Variants in LARP4B observed in about 807,000 individuals in gnomAD.
LARP4B encodes La ribonucleoprotein 4B.
A neutral mutation model predicts 89.8 loss-of-function variants in LARP4B; 12 were observed. The ratio of observed to expected loss-of-function variants is 0.13; its 90% confidence interval spans 0.09 to 0.22. LARP4B has a LOEUF of 0.22. Among genes scored for constraint, LARP4B ranks in the 10% least tolerant of loss-of-function variants. The probability of loss-of-function intolerance (pLI) is 1.00; values close to 1 mark genes in which losing one functional copy is unlikely to be tolerated. For synonymous variants in LARP4B, 367 were observed against 363.3 expected, an observed-to-expected ratio of 1.01 and a Z score of -0.12; for missense variants, 757 against 947.7, an observed-to-expected ratio of 0.80 and a Z score of 2.64.
intron 1 of LARP4B, among the ~76,000 whole-genome samples, chr10:902,698 G>A (rs555876925): frequency 7.3e-4 from 110 of 149,748 alleles, no homozygotes; most frequent in Non-Finnish European, 1.2e-3. Flanking sequence ...AGGCTGGAGC[G>A]CAATGGTGCC....
At chr10:891,657 G>A (rs1836024991) in intron 1 of LARP4B, among the ~76,000 whole-genome samples, 1 of 152,010 alleles carries the variant, frequency 6.6e-6, no homozygotes, top group Admixed American at 6.6e-5. Context: ...TATAATAAAA[G>A]GTTAAAAAAG....
intron 8 of LARP4B, among the ~76,000 whole-genome samples, chr10:835,023 G>C (rs1247412177): frequency 7.0e-6 from 1 of 142,606 alleles, no homozygotes; most frequent in Non-Finnish European, 1.5e-5. Context: ...CTGGGTGACA[G>C]AGCAAGACTC....
intron 1 of LARP4B, among the ~76,000 whole-genome samples, chr10:927,591 ACT>A (rs1403811701): frequency 1.6e-4 from 24 of 152,218 alleles, no homozygotes; most frequent in African/African-American, 5.5e-4. Flanking sequence ...GATGAGGTTA[ACT>A]CTCTGAGTGC....
rs141068669 is a variant in LARP4B at position 910,754 on chromosome 10, T to C, written c.-40+20674A>G. Among the ~76,000 whole-genome samples the C allele has an allele frequency of 5.7e-3, 874 of 152,344 alleles. 4 individuals are homozygous for C. The highest frequency in any genetic ancestry group is 0.02 in the African/African-American group (835 of 41,574). ...GGCAGATACTGGTGGTTACGTTTTA[T>C]AGAGCATGCTTTTAAGATTGCAGCT... On this transcript the variant is annotated intron_variant, in intron 1 of 17. Coordinates refer to ENST00000316157, the MANE Select transcript of LARP4B (RefSeq NM_015155.3).
At chr10:959,199 G>A in the LARP4B span, among the ~76,000 whole-genome samples, 1 of 152,158 alleles carries the variant, frequency 6.6e-6, no homozygotes, top group Non-Finnish European at 1.5e-5. Flanking sequence ...TCCTGAAAAT[G>A]TGAGATGTAC....
chr10:880,849 A>G (rs1050923660), intron 3 of LARP4B, among the ~76,000 whole-genome samples: 1 of 152,242 alleles, frequency 6.6e-6, no homozygotes, highest in Non-Finnish European at 1.5e-5. Flanking sequence ...GTAATTTAAC[A>G]TAAACACTTC....
At chr10:940,824 G>T in the LARP4B span, among the ~76,000 whole-genome samples, 3 of 152,260 alleles carry the variant, frequency 2.0e-5, no homozygotes, top group Non-Finnish European at 4.4e-5. Context: ...ACTTTGAAAA[G>T]ATGTTTCACA....
chr10:938,487 T>C, the LARP4B span, among the ~76,000 whole-genome samples: 1 of 151,136 alleles, frequency 6.6e-6, no homozygotes, highest in South Asian at 2.1e-4. Flanking sequence ...TCTCCTGCTC[T>C]TGTGATCCGC....
At chr10:874,982 A>G (rs954765804) in intron 3 of LARP4B, among the ~76,000 whole-genome samples, 12 of 152,144 alleles carry the variant, frequency 7.9e-5, no homozygotes, top group African/African-American at 2.9e-4. Flanking sequence ...CTACTAATTC[A>G]CTGTACAGAT....
chr10:944,695 C>T, the LARP4B span, among the ~76,000 whole-genome samples: 1 of 152,244 alleles, frequency 6.6e-6, no homozygotes, highest in Non-Finnish European at 1.5e-5. Flanking sequence ...TGGTGTCTGC[C>T]CGTGACTCAC....
intron 7 of LARP4B, among the ~76,000 whole-genome samples, chr10:841,487 A>G (rs1357348885): frequency 6.6e-6 from 1 of 152,238 alleles, no homozygotes; most frequent in East Asian, 1.9e-4. Flanking sequence ...TTAAGCAAGC[A>G]CACAGAGCAA....
At chr10:892,358 C>T (rs1196463122) in intron 1 of LARP4B, among the ~76,000 whole-genome samples, 2 of 152,170 alleles carry the variant, frequency 1.3e-5, no homozygotes, top group East Asian at 3.8e-4. Flanking sequence ...CTTGGGAGAC[C>T]ATAACTCTCT....
the LARP4B span, chr10:942,550 A>G: frequency 6.6e-6 from 1 of 152,214 alleles, no homozygotes; most frequent in East Asian, 1.9e-4. Flanking sequence ...CAGCCTCTGC[A>G]AAGTGTACCA....
At chr10:898,259 G>A (rs891621925) in intron 1 of LARP4B, among the ~76,000 whole-genome samples, 1 of 152,162 alleles carries the variant, frequency 6.6e-6, no homozygotes, top group Non-Finnish European at 1.5e-5. Context: ...AGTACATACA[G>A]AAACTACAAT....
intron 8 of LARP4B, among the ~76,000 whole-genome samples, chr10:831,890 T>A (rs1442346046): frequency 6.6e-6 from 1 of 152,158 alleles, no homozygotes. Context: ...ATAGAAAATA[T>A]GACCTATAAT....
chr10:948,084 C>T, the LARP4B span, among the ~76,000 whole-genome samples: 20 of 147,848 alleles, frequency 1.4e-4, no homozygotes, highest in East Asian at 4.0e-4. Flanking sequence ...GACTGCCCAC[C>T]GCCCACCACC....
At chr10:981,658 C>A in the LARP4B span, among the ~76,000 whole-genome samples, 1 of 152,056 alleles carries the variant, frequency 6.6e-6, no homozygotes, top group African/African-American at 2.4e-5. Flanking sequence ...GCAACCTCTG[C>A]TACCCAGGTT....
At chr10:968,596 C>T in the LARP4B span, among the ~76,000 whole-genome samples, 2 of 151,058 alleles carry the variant, frequency 1.3e-5, 1 homozygote, top group Middle Eastern at 6.8e-3. Context: ...CTGACTCCCA[C>T]TTGGCTGTTG....
At chr10:851,958 T>G (rs1394380435) in intron 5 of LARP4B, among the ~76,000 whole-genome samples, 1 of 152,060 alleles carries the variant, frequency 6.6e-6, no homozygotes, top group Non-Finnish European at 1.5e-5. Context: ...CCCAGCTACT[T>G]GGGAGGCTAA....
Sources: allele counts gnomAD v4.1 joint callset (sites outside exome capture counted in the v4.1 genomes callset), GRCh38; gene constraint gnomAD v4.1.1; transcripts MANE v1.5; gene names NCBI Gene and HGNC (gene_info 2026-07-23, HGNC 2026-07-21).